The following NRG1 variants were observed in gnomAD, a reference collection of about 807,000 sequenced individuals.
NRG1 encodes the protein neuregulin 1.
NRG1 carries 18 observed loss-of-function variants against 63.8 expected under a neutral mutation model. The ratio of observed to expected loss-of-function variants is 0.28; its 90% CI spans 0.19 to 0.42. The LOEUF (loss-of-function observed/expected upper bound fraction) is 0.42. NRG1 is among the 10% of genes least tolerant of loss of function. NRG1 has a pLI of 1.00. For missense variants in NRG1, 762 were observed against 814.7 expected (o/e 0.94, Z 0.79); for synonymous variants, 302 against 301.3 (o/e 1.00, Z -0.02).
intron 1 of NRG1, among the ~76,000 whole-genome samples, chr8:32,220,637 A>C (rs2132478614): frequency 6.6e-6 from 1 of 152,292 alleles, no homozygotes; most frequent in Middle Eastern, 3.4e-3. Context: ...GGGAGCAGAT[A>C]TTTTCCAAAA....
chr8:32,598,912 G>C (rs796893045), intron 2 of NRG1, among the ~76,000 whole-genome samples: 20 of 152,074 alleles, frequency 1.3e-4, no homozygotes, highest in African/African-American at 4.6e-4. Flanking sequence ...ATAAGTAGAA[G>C]GAATATAATT....
At chr8:32,556,000 T>C (rs1400796739) in intron 1 of NRG1, among the ~76,000 whole-genome samples, 1 of 152,210 alleles carries the variant, frequency 6.6e-6, no homozygotes, top group Non-Finnish European at 1.5e-5. Context: ...TTCCACAGCT[T>C]TGATGGGCAG....
exon 1 of NRG1, chr8:32,548,733 G>C (rs867811897): frequency 7.6e-6 from 12 of 1,583,138 alleles, no homozygotes; most frequent in Non-Finnish European, 1.0e-5. Context: ...CGAGATGTCC[G>C]AGCGCAAAGA....
At chr8:32,103,892 C>T (rs1830899209) in intron 1 of NRG1, among the ~76,000 whole-genome samples, 1 of 152,096 alleles carries the variant, frequency 6.6e-6, no homozygotes, top group Admixed American at 6.6e-5. Context: ...AGACATGCCC[C>T]TCCTTTATCT....
chr8:32,631,490 G>A (rs73590621), intron 5 of NRG1, among the ~76,000 whole-genome samples: 4,793 of 152,196 alleles, frequency 0.031, 148 homozygotes, highest in African/African-American at 0.082. Context: ...TCTAGCCTCT[G>A]CATCCTTATA....
intron 1 of NRG1, among the ~76,000 whole-genome samples, chr8:32,418,496 A>AT (rs1317610740): frequency 6.6e-6 from 1 of 152,040 alleles, no homozygotes; most frequent in Non-Finnish European, 1.5e-5. Flanking sequence ...AGTCTTTGAA[A>AT]TTTAGCACGT....
At chr8:31,964,486 C>T (rs774305720) in intron 1 of NRG1, among the ~76,000 whole-genome samples, 3 of 152,046 alleles carry the variant, frequency 2.0e-5, no homozygotes, top group East Asian at 1.9e-4. Flanking sequence ...CCTGGTGAGA[C>T]CTTTATCTCT....
chr8:32,558,348 G>A (rs1041785958), intron 1 of NRG1, among the ~76,000 whole-genome samples: 1 of 152,206 alleles, frequency 6.6e-6, no homozygotes, highest in Non-Finnish European at 1.5e-5. Context: ...ACTTCTGCAT[G>A]TGGTGAATGT....
intron 1 of NRG1, among the ~76,000 whole-genome samples, chr8:32,178,193 A>T (rs1279912146): frequency 6.6e-6 from 1 of 152,180 alleles, no homozygotes. Flanking sequence ...TGAGAGAAGG[A>T]CTAATGAGAA....
intron 1 of NRG1, among the ~76,000 whole-genome samples, chr8:32,081,479 G>A (rs1827459833): frequency 1.3e-5 from 2 of 152,136 alleles, no homozygotes; most frequent in African/African-American, 4.8e-5. Context: ...AAGGATTGAA[G>A]GGCAGCTGAC....
At chr8:31,642,051 C>T (rs1309658700) in intron 1 of NRG1, among the ~76,000 whole-genome samples, 1 of 152,172 alleles carries the variant, frequency 6.6e-6, no homozygotes, top group Admixed American at 6.5e-5. Flanking sequence ...TAGGATTGCA[C>T]CACTCAGTGG....
At chr8:31,996,700 A>T (rs1310171641) in intron 1 of NRG1, among the ~76,000 whole-genome samples, 1 of 151,996 alleles carries the variant, frequency 6.6e-6, no homozygotes, top group Non-Finnish European at 1.5e-5. Flanking sequence ...AAAGACAGAG[A>T]AAGACCCTGT....
intron 1 of NRG1, among the ~76,000 whole-genome samples, chr8:32,313,883 C>A (rs1314185128): frequency 6.6e-6 from 1 of 152,122 alleles, no homozygotes; most frequent in South Asian, 2.1e-4. Context: ...TTTATACATA[C>A]ACCCTTTCTT....
At chr8:32,060,493 A>AT (rs370749697) in intron 1 of NRG1, among the ~76,000 whole-genome samples, 2 of 151,862 alleles carry the variant, frequency 1.3e-5, no homozygotes, top group African/African-American at 4.8e-5. Flanking sequence ...AATTAGTTCA[A>AT]TTTTTTTAGA....
At chr8:32,281,617 G>T (rs947115450) in intron 1 of NRG1, among the ~76,000 whole-genome samples, 21 of 152,208 alleles carry the variant, frequency 1.4e-4, no homozygotes, top group South Asian at 6.2e-4. Flanking sequence ...TGCAGTATTT[G>T]GTTCTCTGTT....
chr8:31,923,877 C>G (rs1432400984), intron 1 of NRG1, among the ~76,000 whole-genome samples: 1 of 152,036 alleles, frequency 6.6e-6, no homozygotes, highest in African/African-American at 2.4e-5. Flanking sequence ...CCTCACCCCT[C>G]TAAGTCTCCA....
chr8:32,762,798 CAG>C (rs1830958377), intron 11 of NRG1, among the ~76,000 whole-genome samples: 1 of 152,154 alleles, frequency 6.6e-6, no homozygotes, highest in African/African-American at 2.4e-5. Flanking sequence ...ACGTCTTCCT[CAG>C]TGCCAAAAGT....
intron 1 of NRG1, among the ~76,000 whole-genome samples, chr8:32,167,658 G>A (rs566165242): frequency 1.4e-3 from 219 of 152,270 alleles, no homozygotes; most frequent in Non-Finnish European, 2.5e-3. Flanking sequence ...GGCTAAATGG[G>A]AGAGTACATG....
chr8:32,530,340 C>T (rs1235684834), intron 1 of NRG1, among the ~76,000 whole-genome samples: 2 of 152,138 alleles, frequency 1.3e-5, no homozygotes, highest in Non-Finnish European at 2.9e-5. Context: ...ATCTCCTGAC[C>T]TTGTGATCCG....
Sources: gnomAD v4.1 joint callset for allele counts (sites outside exome capture counted in the v4.1 genomes callset) on GRCh38, gnomAD v4.1.1 for gene constraint, MANE v1.5 for transcripts, NCBI Gene and HGNC (gene_info 2026-07-23, HGNC 2026-07-21) for gene names.